The following GRAP2 variants were observed in gnomAD, a reference collection of about 807,000 sequenced individuals.
GRAP2 encodes GRB2 related adaptor protein 2.
In GRAP2, 31 loss-of-function variants were observed where a neutral mutation model predicts 43.5. The observed-to-expected ratio is 0.71, with a 90% confidence interval of 0.54 to 0.96. The LOEUF is 0.96. GRAP2 is among the 40% of genes least tolerant of loss of function. The pLI, the probability that GRAP2 is intolerant of heterozygous loss-of-function variation, is 0.00. For synonymous variants in GRAP2, 156 were observed against 164.8 expected (o/e 0.95, Z 0.41); for missense variants, 371 against 424.4 (o/e 0.87, Z 1.11).
At chr22:39,917,788 A>T (rs1262697827) in intron 1 of GRAP2, among the ~76,000 whole-genome samples, 2 of 152,206 alleles carry the variant, frequency 1.3e-5, no homozygotes, top group African/African-American at 4.8e-5. Context: ...AATTAATGGC[A>T]TTAGGGGGAA....
intron 1 of GRAP2, among the ~76,000 whole-genome samples, chr22:39,902,054 A>C (rs1256763920): frequency 6.6e-6 from 1 of 152,222 alleles, no homozygotes; most frequent in East Asian, 1.9e-4. Context: ...GTCAAAAAAA[A>C]TTTACCGTAT....
intron 1 of GRAP2, among the ~76,000 whole-genome samples, chr22:39,929,561 T>G (rs2066736680): frequency 6.6e-6 from 1 of 152,174 alleles, no homozygotes; most frequent in Non-Finnish European, 1.5e-5. Flanking sequence ...TTTGTCCTCC[T>G]TCTTTCCCAT....
At chr22:39,936,679 G>GGA (rs1282709988) in intron 1 of GRAP2, among the ~76,000 whole-genome samples, 1 of 151,966 alleles carries the variant, frequency 6.6e-6, no homozygotes, top group Non-Finnish European at 1.5e-5. Flanking sequence ...ACAGACAGAA[G>GGA]GAGAGAGAGA....
At chr22:39,899,098 T>C (rs754472328), upstream of GRAP2, among the ~76,000 whole-genome samples, 2 of 152,230 alleles carry the variant, frequency 1.3e-5, no homozygotes, top group Non-Finnish European at 2.9e-5. Flanking sequence ...AGAGCTGTTA[T>C]GAAATAAACC....
chr22:39,952,081 C>T (rs1294023985), intron 2 of GRAP2, among the ~76,000 whole-genome samples: 1 of 148,112 alleles, frequency 6.8e-6, no homozygotes, highest in East Asian at 2.0e-4. Context: ...GGCTGGAGTG[C>T]AATGGCGCAA....
At chr22:39,898,226 C>T (rs2066473237), upstream of GRAP2, among the ~76,000 whole-genome samples, 1 of 152,186 alleles carries the variant, frequency 6.6e-6, no homozygotes, top group South Asian at 2.1e-4. Flanking sequence ...AAAATCGCAA[C>T]CCCCATCTCA....
chr22:39,947,584 A>G (rs1190102866), intron 2 of GRAP2: 1 of 204,868 alleles, frequency 4.9e-6, no homozygotes, highest in African/African-American at 2.3e-5. Flanking sequence ...AAGCTCAGAG[A>G]TGTGCAAGCC....
chr22:39,945,886 A>G (rs948326569), intron 1 of GRAP2, among the ~76,000 whole-genome samples: 3 of 152,224 alleles, frequency 2.0e-5, no homozygotes, highest in Non-Finnish European at 4.4e-5. Context: ...TTTGAGACAG[A>G]GTCTTGCTCT....
intron 1 of GRAP2, among the ~76,000 whole-genome samples, chr22:39,906,418 G>A (rs538835388): frequency 1.3e-5 from 2 of 152,094 alleles, no homozygotes; most frequent in Non-Finnish European, 1.5e-5. Flanking sequence ...TATAAACTAG[G>A]TGTTGGTCCA....
chr22:39,932,168 C>T (rs902055622), intron 1 of GRAP2, among the ~76,000 whole-genome samples: 7 of 152,136 alleles, frequency 4.6e-5, no homozygotes, highest in Non-Finnish European at 8.8e-5. Flanking sequence ...AAAGATCAAA[C>T]GAGTCCTTGC....
chr22:39,923,774 C>CTACTT (rs2066674033), intron 1 of GRAP2, among the ~76,000 whole-genome samples: 1 of 152,210 alleles, frequency 6.6e-6, no homozygotes, highest in African/African-American at 2.4e-5. Flanking sequence ...AGTTTAAAAG[C>CTACTT]TACTTTTCTC....
intron 1 of GRAP2, among the ~76,000 whole-genome samples, chr22:39,937,125 G>A (rs137985): frequency 0.54 from 81,507 of 151,992 alleles, 23,747 homozygotes; most frequent in African/African-American, 0.77. Flanking sequence ...AAGGATGATA[G>A]TAACAATAAT....
At chr22:39,911,686 G>A (rs2066568090) in intron 1 of GRAP2, among the ~76,000 whole-genome samples, 2 of 152,044 alleles carry the variant, frequency 1.3e-5, no homozygotes, top group South Asian at 4.1e-4. Flanking sequence ...CCATTCTAAT[G>A]CACATTGTGA....
chr22:39,934,796 C>T (rs1004165539), intron 1 of GRAP2, among the ~76,000 whole-genome samples: 3 of 151,852 alleles, frequency 2.0e-5, no homozygotes, highest in Admixed American at 1.3e-4. Context: ...CCTAAAGCCC[C>T]GGAGGTCAAG....
chr22:39,968,077 G>A lies in GRAP2; in HGVS notation c.495G>A (p.Gln165=), dbSNP rs1051439606. Residue 165 remains glutamine (Q), a synonymous_variant, in exon 6 of 8, where the codon CAG becomes CAA. Transcript: ENST00000344138. The stretch of plus-strand genomic sequence containing the variant: ...GCAACAGCCTGGACCGGAGGTCCCA[G>A]GGAGGCCCACACCTCAGTGGGGCTG... ...HRGNSLDRRS[Q]GGPHLSGAVG... is the part of the protein sequence containing the mutation. The A allele has an allele frequency of 1.9e-6, 3 of 1,612,704 alleles. No homozygotes were observed. The highest frequency in any genetic ancestry group is 2.2e-5 in the South Asian group (2 of 90,798).
At chr22:39,968,652 C>A in intron 6 of GRAP2, 1 of 252,940 alleles carries the variant, frequency 4.0e-6, no homozygotes, top group Non-Finnish European at 7.5e-6. Flanking sequence ...CACAACAGAG[C>A]CTTGTTTATT....
intron 1 of GRAP2, among the ~76,000 whole-genome samples, chr22:39,931,754 A>G (rs2066757586): frequency 6.6e-6 from 1 of 152,236 alleles, no homozygotes; most frequent in Admixed American, 6.5e-5. Context: ...GAGAGTTTAG[A>G]AGATTTCTGC....
At chr22:39,906,699 C>T (rs1368229318) in intron 1 of GRAP2, among the ~76,000 whole-genome samples, 1 of 152,142 alleles carries the variant, frequency 6.6e-6, no homozygotes, top group Non-Finnish European at 1.5e-5. Context: ...TTTTTCTCCA[C>T]ACCCCCCAGC....
chr22:39,895,648 T>G, the GRAP2 span, among the ~76,000 whole-genome samples: 1 of 152,134 alleles, frequency 6.6e-6, no homozygotes, highest in East Asian at 1.9e-4. Flanking sequence ...ATTGTACAGG[T>G]GAGAAAGCTG....
Sources: allele counts gnomAD v4.1 joint callset (sites outside exome capture counted in the v4.1 genomes callset), GRCh38; gene constraint gnomAD v4.1.1; transcripts MANE v1.5; gene names NCBI Gene and HGNC (gene_info 2026-07-23, HGNC 2026-07-21).